The following LHFPL6 variants were observed in gnomAD, a reference collection of about 807,000 sequenced individuals.
LHFPL6 encodes the protein LHFPL tetraspan subfamily member 6, also known as LHFPL tetraspan subfamily member 6 protein.
Under a neutral mutation model 20.6 loss-of-function variants are expected in LHFPL6, and 9 were observed. The observed-to-expected ratio is 0.44, with a 90% CI of 0.26 to 0.76. LHFPL6 has a LOEUF of 0.76. LHFPL6 is among the 30% of genes least tolerant of loss of function. The probability of loss-of-function intolerance (pLI) is 0.20; values close to 1 mark genes in which losing one functional copy is unlikely to be tolerated. For synonymous variants in LHFPL6, 105 were observed against 98.7 expected (o/e 1.06, Z -0.38); for missense variants, 218 against 253.5 (o/e 0.86, Z 0.95).
intron 2 of LHFPL6, among the ~76,000 whole-genome samples, chr13:39,480,086 A>G (rs973491489): frequency 6.6e-6 from 1 of 152,228 alleles, no homozygotes; most frequent in Non-Finnish European, 1.5e-5. Flanking sequence ...TACCACCCAT[A>G]ACACCACAAG....
intron 3 of LHFPL6, among the ~76,000 whole-genome samples, chr13:39,352,922 TAAA>T (rs1869621945): frequency 3.7e-5 from 2 of 54,696 alleles, no homozygotes; most frequent in African/African-American, 1.3e-4. Context: ...TATATATATA[TAAA>T]TGTATATATA....
At chr13:39,362,644 C>G (rs897908921) in intron 3 of LHFPL6, among the ~76,000 whole-genome samples, 2 of 152,154 alleles carry the variant, frequency 1.3e-5, no homozygotes, top group South Asian at 4.1e-4. Flanking sequence ...CATGAAAATA[C>G]TCAATGACCC....
chr13:39,387,616 TTGCACAA>T (rs1870599624), intron 2 of LHFPL6, among the ~76,000 whole-genome samples: 2 of 151,368 alleles, frequency 1.3e-5, no homozygotes, highest in African/African-American at 4.8e-5. Context: ...AAACCAAAGC[TTGCACAA>T]GCAGGCCTAT....
intron 2 of LHFPL6, among the ~76,000 whole-genome samples, chr13:39,495,354 G>A (rs577901902): frequency 6.6e-6 from 1 of 152,210 alleles, no homozygotes; most frequent in South Asian, 2.1e-4. Flanking sequence ...TCATTTAATA[G>A]GATTCAGTGA....
chr13:39,558,227 C>T (rs1196857424), intron 2 of LHFPL6, among the ~76,000 whole-genome samples: 1 of 152,110 alleles, frequency 6.6e-6, no homozygotes, highest in Non-Finnish European at 1.5e-5. Context: ...TGTAGATGAG[C>T]TGTGGGGCCT....
chr13:39,445,956 C>T (rs1168468557), intron 2 of LHFPL6, among the ~76,000 whole-genome samples: 1 of 150,690 alleles, frequency 6.6e-6, no homozygotes, highest in Non-Finnish European at 1.5e-5. Context: ...ATTTTTCTCT[C>T]CACAAAAAAG....
chr13:39,488,102 T>A (rs1009769550), intron 2 of LHFPL6, among the ~76,000 whole-genome samples: 1 of 152,150 alleles, frequency 6.6e-6, no homozygotes, highest in Non-Finnish European at 1.5e-5. Flanking sequence ...CCCACCTTCA[T>A]GAACGGGATT....
chr13:39,482,098 G>T (rs115248501), intron 2 of LHFPL6, among the ~76,000 whole-genome samples: 1 of 152,130 alleles, frequency 6.6e-6, no homozygotes, highest in Admixed American at 6.6e-5. Flanking sequence ...CAAAAGTTGC[G>T]AATTATTGTC....
intron 2 of LHFPL6, among the ~76,000 whole-genome samples, chr13:39,509,573 T>A (rs918479188): frequency 1.5e-4 from 23 of 152,254 alleles, no homozygotes; most frequent in Middle Eastern, 3.4e-3. Flanking sequence ...TTTTAAAAAA[T>A]TTTTTGGACT....
In LHFPL6 at chr13:39,400,814, G is replaced by GCAAATATTAGT. The variant is rs1450652424; in HGVS notation, c.386-22299_386-22289dup. Among the ~76,000 whole-genome samples the GCAAATATTAGT allele has an allele frequency of 2.4e-5, 3 of 123,040 alleles. No individual in the cohort carries two copies. The Admixed American group carries it at 2.5e-4, about 10-fold the overall frequency. The allele number at this position is 123,040 out of a possible 152,430, so 80.7% of individuals were successfully genotyped here. ...AAAAAAAAAAAAAAAAAAAAGAATG[G>GCAAATATTAGT]CAAATATTAGTAATACTCTTATATA... On this transcript the variant is annotated intron_variant, in intron 2 of 3. Transcript: ENST00000379589.
At chr13:39,364,565 C>T (rs957456977) in intron 3 of LHFPL6, among the ~76,000 whole-genome samples, 3 of 152,180 alleles carry the variant, frequency 2.0e-5, no homozygotes, top group East Asian at 1.9e-4. Context: ...TTCAGCAGGA[C>T]GAGTGGAGCG....
intron 2 of LHFPL6, among the ~76,000 whole-genome samples, chr13:39,532,072 A>G (rs1467299154): frequency 6.6e-6 from 1 of 152,170 alleles, no homozygotes; most frequent in Non-Finnish European, 1.5e-5. Context: ...TCTGGAAATT[A>G]CCCCTGAATC....
intron 2 of LHFPL6, among the ~76,000 whole-genome samples, chr13:39,490,164 T>C (rs1457460592): frequency 6.6e-6 from 1 of 152,146 alleles, no homozygotes; most frequent in Non-Finnish European, 1.5e-5. Flanking sequence ...CTCTTCTTCC[T>C]CTTCACTGAG....
chr13:39,545,958 T>C (rs1870970053), intron 2 of LHFPL6, among the ~76,000 whole-genome samples: 1 of 152,156 alleles, frequency 6.6e-6, no homozygotes, highest in Non-Finnish European at 1.5e-5. Context: ...TTTATTGTTG[T>C]ATTGTTATAT....
chr13:39,551,756 A>T (rs1006445985), intron 2 of LHFPL6, among the ~76,000 whole-genome samples: 3 of 152,206 alleles, frequency 2.0e-5, no homozygotes, highest in Non-Finnish European at 2.9e-5. Flanking sequence ...TCAGATACTT[A>T]ATTTTTTTCT....
At chr13:39,431,247 C>T (rs980033582) in intron 2 of LHFPL6, among the ~76,000 whole-genome samples, 11 of 152,160 alleles carry the variant, frequency 7.2e-5, no homozygotes, top group South Asian at 2.1e-4. Flanking sequence ...ACACTCACTG[C>T]GAAGGTCAGC....
At chr13:39,359,426 A>G (rs1301571492) in intron 3 of LHFPL6, among the ~76,000 whole-genome samples, 1 of 152,194 alleles carries the variant, frequency 6.6e-6, no homozygotes. Flanking sequence ...GTGCCCATCC[A>G]TGGTGGATTG....
At chr13:39,557,571 C>T (rs939602606) in intron 2 of LHFPL6, among the ~76,000 whole-genome samples, 10 of 152,212 alleles carry the variant, frequency 6.6e-5, no homozygotes, top group South Asian at 2.1e-4. Flanking sequence ...GCAGTAGATA[C>T]GGTGGCAGAT....
At chr13:39,538,401 C>T (rs9576842) in intron 2 of LHFPL6, among the ~76,000 whole-genome samples, 1,922 of 150,104 alleles carry the variant, frequency 0.013, 47 homozygotes, top group East Asian at 0.094. Context: ...TCCCTTTGCA[C>T]GATTTCTTGC....
Sources: gnomAD v4.1 joint callset for allele counts (sites outside exome capture counted in the v4.1 genomes callset) on GRCh38, gnomAD v4.1.1 for gene constraint, MANE v1.5 for transcripts, NCBI Gene and HGNC (gene_info 2026-07-23, HGNC 2026-07-21) for gene names.